The following FAT2 variants were observed in gnomAD, a reference collection of about 807,000 sequenced individuals.
FAT2 encodes the protein FAT atypical cadherin 2, also known as protocadherin Fat 2.
A neutral mutation model predicts 295.3 loss-of-function variants in FAT2; 150 were observed. The ratio of observed to expected loss-of-function variants is 0.51; its 90% CI spans 0.44 to 0.58. The LOEUF (loss-of-function observed/expected upper bound fraction) is 0.58. Among genes scored for constraint, FAT2 ranks in the 20% least tolerant of loss-of-function variants. The pLI, the probability that FAT2 is intolerant of heterozygous loss-of-function variation, is 0.00. For synonymous variants in FAT2, 2,026 were observed against 2,150.3 expected, an observed-to-expected ratio of 0.94 and a Z score of 1.60; for missense variants, 4,868 against 5,442.7, an observed-to-expected ratio of 0.89 and a Z score of 3.32.
intron 14 of FAT2, among the ~76,000 whole-genome samples, chr5:151,530,405 C>G (rs1754463272): frequency 6.6e-6 from 1 of 152,088 alleles, no homozygotes; most frequent in Non-Finnish European, 1.5e-5. Flanking sequence ...ATACAAGGAC[C>G]TGAGGGATAT....
chr5:151,550,919 C>G, intron 7 of FAT2, 48 bp from the exon 8 acceptor site: 2 of 1,583,284 alleles, frequency 1.3e-6, no homozygotes, highest in South Asian at 1.2e-5. Flanking sequence ...CCCAGGGGAA[C>G]AGGGACTGGG....
chr5:151,520,616 G>A (rs1345660944), intron 19 of FAT2, among the ~76,000 whole-genome samples: 2 of 152,178 alleles, frequency 1.3e-5, no homozygotes, highest in South Asian at 2.1e-4. Flanking sequence ...TAACTCTTAC[G>A]TAATTTCCCC....
rs577133582 is a variant in FAT2 at position 151,535,926 on chromosome 5, G to A, written c.9194-1284C>T. Among the ~76,000 whole-genome samples, 7 of 152,216 alleles carry A rather than the reference G, an allele frequency of 4.6e-5. No homozygotes were observed. In the East Asian group the frequency reaches 1.3e-3, roughly 29 times the overall value. On this transcript the variant is annotated intron_variant, in intron 12 of 23. Coordinates refer to ENST00000261800, the MANE Select transcript of FAT2 (RefSeq NM_001447.3). The stretch of plus-strand genomic sequence containing the variant: ...TGATTGGTGTGGTGTGAGAGCAGAG[G>A]AAAAACCTGGTTTGAGAGAGGTTTT...
chr5:151,522,114 C>T (rs751426458), intron 18 of FAT2, 28 bp from the exon 19 acceptor site: 16 of 1,519,966 alleles, frequency 1.1e-5, no homozygotes, highest in Non-Finnish European at 1.3e-5. Context: ...ACTGCTGTCA[C>T]CCAACAGAAC....
At chr5:151,583,758 G>C (rs1021698548) in intron 1 of FAT2, among the ~76,000 whole-genome samples, 1 of 152,098 alleles carries the variant, frequency 6.6e-6, no homozygotes, top group Non-Finnish European at 1.5e-5. Context: ...AACACTTTGG[G>C]AAGCCGAGTT....
chr5:151,571,867 G>A (rs953438338), intron 1 of FAT2, among the ~76,000 whole-genome samples: 7 of 152,212 alleles, frequency 4.6e-5, no homozygotes, highest in Non-Finnish European at 8.8e-5. Flanking sequence ...ATAGCACTTA[G>A]ATTAAAATAG....
rs767054653 is a variant in FAT2 at position 151,545,839 on chromosome 5, A to G, written c.5288T>C (p.Phe1763Ser). ...DNAPMFLKSTFVGQISEAAPL... is the reference protein window; with the variant it reads ...DNAPMFLKSTSVGQISEAAPL... Reference sequence around the variant, plus strand: ...AGCTGCTTCACTAATTTGGCCCACAAAAGTTGACTTTAAGAACATAGGAGC... The same window carrying G: ...AGCTGCTTCACTAATTTGGCCCACAGAAGTTGACTTTAAGAACATAGGAGC... Residue 1763 changes from phenylalanine (F) to serine (S), a missense_variant, in exon 10 of 24, where the codon TTT becomes TCT. By Grantham distance (155) the Phe-to-Ser change is radical. Around this residue, in one of 5 missense-constraint regions of FAT2, gnomAD observed 3,297 missense variants for 3,669.4 expected, o/e 0.90. Coordinates refer to ENST00000261800, the MANE Select transcript of FAT2 (RefSeq NM_001447.3). 7 of 1,614,124 alleles carry G rather than the reference A, an allele frequency of 4.3e-6. No individual in the cohort carries two copies. In the Admixed American group the frequency reaches 1.0e-4, roughly 23 times the overall value.
Position 151,507,579 on chromosome 5 carries a change from CCTT to C in FAT2, c.12089_12091del (p.Glu4030del), listed in dbSNP as rs759144402. ...GATCTCGGGAGTGACTAGGCAGTGT[CCTT>C]CTGAACAACCCCTCGCCTCCATTTC... On this transcript the variant is annotated inframe_deletion, in exon 23 of 24. Transcript: ENST00000261800. The C allele has an allele frequency of 3.2e-5, 52 of 1,612,552 alleles. No individual in the cohort carries two copies. Among genetic ancestry groups the C allele is most frequent in the Non-Finnish European group, 4.2e-5 (50 of 1,179,688 alleles).
Position 151,556,355 on chromosome 5 carries a change from G to C in FAT2, c.3622C>G (p.His1208Asp). The change falls in exon 4 of 24, where the codon CAC becomes GAC. Residue 1208 changes from histidine to aspartate, a missense_variant. By Grantham distance (81) the His-to-Asp change is moderately conservative. Around this residue, in one of 5 missense-constraint regions of FAT2, gnomAD observed 3,297 missense variants for 3,669.4 expected, o/e 0.90. Transcript: ENST00000261800. Reference sequence around the variant, plus strand: ...CCACCATTACTTACCTCCAGGATGTGTTCATCCTTGTTCTCTCTGTCCAGC... The same window carrying C: ...CCACCATTACTTACCTCCAGGATGTCTTCATCCTTGTTCTCTCTGTCCAGC... Reference protein sequence around the residue: ...QQLDRENKDEHILEVTVLDNG... With the variant: ...QQLDRENKDEDILEVTVLDNG... The C allele has an allele frequency of 6.2e-7, 1 of 1,613,166 alleles. No homozygotes were observed. Among genetic ancestry groups the C allele is most frequent in the Non-Finnish European group, 8.5e-7 (1 of 1,179,172 alleles).
chr5:151,546,295 A>G lies in FAT2; in HGVS notation c.4832T>C (p.Ile1611Thr). Reference protein sequence around the residue: ...GFFNINALLGIITLAQKLDQA... With the variant: ...GFFNINALLGTITLAQKLDQA... ...ATCAAGCTTTTGAGCTAGAGTAATG[A>G]TGCCTAGCAGGGCATTGATGTTGAA... The change falls in exon 10 of 24, where the codon ATC (isoleucine) becomes ACC (threonine). Residue 1611 changes from isoleucine (I) to threonine (T), a missense_variant. Coordinates refer to ENST00000261800, the MANE Select transcript of FAT2 (RefSeq NM_001447.3). 6.2e-7 allele frequency: 1 copy of G among 1,614,018 alleles called. No individual in the cohort carries two copies. Among genetic ancestry groups the G allele is most frequent in the Non-Finnish European group, 8.5e-7 (1 of 1,179,976 alleles).
rs200096598 is a variant in FAT2, at chr5:151,567,697, G to A, written c.1235C>T (p.Thr412Ile). 7.2e-5 allele frequency: 116 copies of A among 1,614,162 alleles called. No homozygotes were observed. The highest frequency in any genetic ancestry group is 4.7e-4 in the Admixed American group (28 of 60,026). The change falls in exon 2 of 24, where the codon ACT (threonine) becomes ATT (isoleucine). Residue 412 changes from threonine (T) to isoleucine (I), a missense_variant. By Grantham distance (89) the Thr-to-Ile change is moderately conservative. Coordinates refer to ENST00000261800, the MANE Select transcript of FAT2 (RefSeq NM_001447.3). The stretch of plus-strand genomic sequence containing the variant: ...GAGCTTTGTGGTGGTGATCAACCCA[G>A]TTCGAGCATTAAGTTTAAATCCTAC... ...ENVGFKLNAR[T>I]GLITTTKLMD...
At chr5:151,583,722 G>C (rs549554544) in intron 1 of FAT2, among the ~76,000 whole-genome samples, 3 of 152,188 alleles carry the variant, frequency 2.0e-5, no homozygotes, top group Non-Finnish European at 4.4e-5. Flanking sequence ...TAGGGGCCAG[G>C]CATGGTTGCT....
chr5:151,585,421 C>T (rs7736460), intron 1 of FAT2, among the ~76,000 whole-genome samples: 127,373 of 152,230 alleles, frequency 0.84, 53,555 homozygotes, highest in Non-Finnish European at 0.87. Context: ...GAGACCAGCC[C>T]GACCAACATG....
rs2127648535 is a variant in FAT2, at chr5:151,567,720, T to C, written c.1212A>G (p.Val404=). The C allele has an allele frequency of 6.2e-7, 1 of 1,614,184 alleles. No individual in the cohort carries two copies. The highest frequency in any genetic ancestry group is 8.5e-7 in the Non-Finnish European group (1 of 1,180,042). ...CAGTTCGAGCATTAAGTTTAAATCC[T>C]ACATTCTCTGAAGATGGCTTTAGAA... ...QYVLKPSSEN[V]GFKLNARTGL... Residue 404 remains valine (V), a synonymous_variant, in exon 2 of 24, where the codon GTA becomes GTG. Coordinates refer to ENST00000261800, the MANE Select transcript of FAT2 (RefSeq NM_001447.3).
At chr5:151,539,053 G>C (rs2127600211) in intron 11 of FAT2, among the ~76,000 whole-genome samples, 1 of 152,184 alleles carries the variant, frequency 6.6e-6, no homozygotes, top group South Asian at 2.1e-4. Flanking sequence ...GGGAGGGCCA[G>C]GGTGAGCCTG....
chr5:151,516,724 A>G (rs1350217068), intron 20 of FAT2, among the ~76,000 whole-genome samples: 1 of 152,224 alleles, frequency 6.6e-6, no homozygotes, highest in Non-Finnish European at 1.5e-5. Flanking sequence ...AGCACCTAGG[A>G]CAGTGCCTGT....
Position 151,505,467 on chromosome 5 carries a change from C to A in FAT2, c.*98G>T. 6.9e-7 allele frequency: 1 copy of A among 1,450,622 alleles called. No homozygotes were observed. Among genetic ancestry groups the A allele is most frequent in the Non-Finnish European group, 9.4e-7 (1 of 1,061,554 alleles). 89.9% of individuals were successfully genotyped at this position (1,450,622 alleles called of 1,614,324 possible). ...GCCTGGGCTGAGGGCTTCCCTCCCACTCTCCCAGCCACACTCAACTCACCC... is the reference window on the plus strand; with the variant it reads ...GCCTGGGCTGAGGGCTTCCCTCCCAATCTCCCAGCCACACTCAACTCACCC... On this transcript the variant is annotated 3_prime_UTR_variant, in exon 24 of 24. Coordinates refer to ENST00000261800, the MANE Select transcript of FAT2 (RefSeq NM_001447.3).
rs764826133 is a variant in FAT2, at chr5:151,553,292, C to T, written c.4041G>A (p.Leu1347=). Residue 1347 remains leucine (L), a synonymous_variant, in exon 6 of 24, where the codon CTG becomes CTA. Transcript: ENST00000261800. The part of the protein sequence containing the change: ...IPWPRPSSIP[L]AFDETYYSFT... Reference sequence around the variant, plus strand: ...AGCTGTAGTAGGTCTCATCAAAGGCCAGAGGGATGGAGGACGGCCGGGGCC... The same window carrying T: ...AGCTGTAGTAGGTCTCATCAAAGGCTAGAGGGATGGAGGACGGCCGGGGCC... 3 of 1,614,126 alleles carry T rather than the reference C, an allele frequency of 1.9e-6. No homozygotes were observed. The African/African-American group carries it at 4.0e-5, about 22-fold the overall frequency.
At chr5:151,555,195 A>G (rs1015290830) in intron 4 of FAT2, among the ~76,000 whole-genome samples, 1 of 152,208 alleles carries the variant, frequency 6.6e-6, no homozygotes, top group Non-Finnish European at 1.5e-5. Context: ...ACATGCATCA[A>G]TAGCCCCAAG....
Sources: allele counts gnomAD v4.1 joint callset (sites outside exome capture counted in the v4.1 genomes callset), GRCh38; gene constraint gnomAD v4.1.1; regional missense constraint gnomAD v4.1.1; transcripts MANE v1.5; gene names NCBI Gene and HGNC (gene_info 2026-07-23, HGNC 2026-07-21).